The following USP9Y variants were observed in gnomAD, a reference collection of about 807,000 sequenced individuals.
The protein encoded by USP9Y is ubiquitin specific peptidase 9 Y-linked, also known as ubiquitin carboxyl-terminal hydrolase 9Y.
Under a neutral mutation model 53.1 loss-of-function variants are expected in USP9Y, and 41 were observed. The observed-to-expected ratio is 0.77, with a 90% CI of 0.60 to 1.00. The LOEUF is 1.00. Among genes scored for constraint, USP9Y ranks in the 50% least tolerant of loss-of-function variants. USP9Y has a pLI of 0.00. For synonymous variants in USP9Y, 220 were observed against 173.7 expected (o/e 1.27, Z -2.09); for missense variants, 567 against 535.8 (o/e 1.06, Z -0.58).
chrY:12,779,589 C>T lies in USP9Y; in HGVS notation c.3094C>T (p.Leu1032=). 2.5e-6 allele frequency: 1 copy of T among 395,815 alleles called. No individual in the cohort carries two copies. The highest frequency in any genetic ancestry group is 3.0e-5 in the South Asian group (1 of 33,716). ...GCAAGTTGCAGACTTAGGTAGCAAC[C>T]TGAATATGCCACCTCTTAGAGATGG... ...LWQVADLGSN[L]NMPPLRDGAR... is the part of the protein sequence containing the mutation. Residue 1032 remains leucine, a synonymous_variant, in exon 22 of 46, where the codon CTG becomes TTG. Coordinates refer to ENST00000338981, the MANE Select transcript of USP9Y (RefSeq NM_004654.4).
chrY:12,786,469 G>GT lies in USP9Y; in HGVS notation c.3283-44dup, dbSNP rs2053502086. 9 of 350,188 alleles carry GT rather than the reference G, an allele frequency of 2.6e-5. No homozygotes were observed. In the Admixed American group the frequency reaches 2.8e-4, roughly 11 times the overall value. 87.4% of individuals were successfully genotyped at this position (350,188 alleles called of 400,897 possible). On this transcript the variant is annotated intron_variant, in intron 23 of 45. Transcript: ENST00000338981. ...TCAGAGGAGAAATAGATGTTACTAA[G>GT]TTTTTTTTTAAATCCCTTTTAATAT...
chrY:12,822,492 G>C, intron 33 of USP9Y, among the ~76,000 whole-genome samples: 1 of 30,909 alleles, frequency 3.2e-5, no homozygotes, highest in African/African-American at 1.3e-4. Flanking sequence ...AGCCTCCCAA[G>C]TGGCTAAGAC....
At chrY:12,829,365 C>T (rs761564518) in intron 33 of USP9Y, among the ~76,000 whole-genome samples, 3 of 34,319 alleles carry the variant, frequency 8.7e-5, no homozygotes, top group Non-Finnish European at 2.2e-4. Flanking sequence ...GAAAAGACTT[C>T]GCATTTTTCC....
chrY:12,848,970 A>C, intron 42 of USP9Y, among the ~76,000 whole-genome samples: 1 of 33,533 alleles, frequency 3.0e-5, no homozygotes, highest in Non-Finnish European at 7.4e-5. Context: ...CTAACTTTGA[A>C]GTAGTTTTTT....
intron 26 of USP9Y, among the ~76,000 whole-genome samples, chrY:12,792,632 T>C: frequency 2.9e-5 from 1 of 34,296 alleles, no homozygotes; most frequent in Non-Finnish European, 7.3e-5. Flanking sequence ...TAAAAATTAT[T>C]AGCTACCTAG....
chrY:12,772,343 A>G, intron 16 of USP9Y, among the ~76,000 whole-genome samples: 1 of 33,052 alleles, frequency 3.0e-5, no homozygotes, highest in African/African-American at 1.2e-4. Flanking sequence ...TTAGTTTACA[A>G]ACTGCTGTGT....
At chrY:12,855,694 C>G in intron 42 of USP9Y, among the ~76,000 whole-genome samples, 1 of 32,991 alleles carries the variant, frequency 3.0e-5, no homozygotes, top group Non-Finnish European at 7.4e-5. Flanking sequence ...TATCAGAATT[C>G]AAGTTAATTT....
intron 42 of USP9Y, among the ~76,000 whole-genome samples, chrY:12,852,060 G>A (rs2053571565): frequency 3.0e-5 from 1 of 32,924 alleles, no homozygotes; most frequent in Non-Finnish European, 7.4e-5. Flanking sequence ...TTTGAATGTT[G>A]GCTGGACTTG....
chrY:12,784,698 C>T (rs2053500281), intron 22 of USP9Y, among the ~76,000 whole-genome samples: 1 of 33,256 alleles, frequency 3.0e-5, no homozygotes, highest in Non-Finnish European at 7.5e-5. Context: ...TCCATATACA[C>T]TTCCAGATTC....
intron 33 of USP9Y, among the ~76,000 whole-genome samples, chrY:12,828,627 G>A: frequency 3.0e-5 from 1 of 32,989 alleles, no homozygotes; most frequent in Non-Finnish European, 7.5e-5. Flanking sequence ...GGTGGATATC[G>A]TGTGATTGTA....
chrY:12,729,582 A>C (rs936115490), intron 7 of USP9Y, among the ~76,000 whole-genome samples: 3 of 32,483 alleles, frequency 9.2e-5, no homozygotes, highest in Non-Finnish European at 1.5e-4. Flanking sequence ...CTAGGATTAC[A>C]GGTGTGTGGC....
chrY:12,840,900 A>C, intron 36 of USP9Y, 110 bp from the exon 37 acceptor site: 2 of 225,131 alleles, frequency 8.9e-6, no homozygotes, highest in Non-Finnish European at 6.9e-6. Context: ...ATTAGTTTGA[A>C]ATATGGGTTA....
Position 12,857,650 on chromosome Y carries a change from C to A in USP9Y, c.7519C>A (p.Gln2507Lys). ...ATTATATCCTCATTCACCTGCCTCT[C>A]AGTATCAACAGGTAAAAAGGATTTT... ...APLYPHSPAS[Q>K]YQQNNHVHGQ... The change falls in exon 45 of 46, where the codon CAG (glutamine) becomes AAG (lysine). Residue 2507 changes from glutamine to lysine, a missense_variant. Gln to Lys is a moderately conservative substitution (Grantham distance 53). Coordinates refer to ENST00000338981, the MANE Select transcript of USP9Y (RefSeq NM_004654.4). 2.6e-6 allele frequency: 1 copy of A among 378,993 alleles called. No homozygotes were observed. 94.5% of individuals were successfully genotyped at this position (378,993 alleles called of 400,897 possible). A position where few individuals can be genotyped will look rare whatever the true frequency, so the allele number is the denominator to read the frequency against.
At chrY:12,773,027 G>A in intron 16 of USP9Y, among the ~76,000 whole-genome samples, 1 of 33,121 alleles carries the variant, frequency 3.0e-5, no homozygotes, top group Admixed American at 2.8e-4. Context: ...TTGTTTTATT[G>A]TAGTGAACTA....
At chrY:12,845,479 CAT>C (rs2053565590) in intron 39 of USP9Y, among the ~76,000 whole-genome samples, 2 of 32,830 alleles carry the variant, frequency 6.1e-5, no homozygotes, top group Non-Finnish European at 1.5e-4. Flanking sequence ...ATTTTAAAAA[CAT>C]ATGGGATACC....
At chrY:12,718,940 G>A in intron 3 of USP9Y, among the ~76,000 whole-genome samples, 1 of 33,783 alleles carries the variant, frequency 3.0e-5, no homozygotes. Flanking sequence ...TTGTCCATTT[G>A]CCTGTTGAAG....
At chrY:12,834,687 A>G (rs769641928) in intron 34 of USP9Y, among the ~76,000 whole-genome samples, 1 of 33,744 alleles carries the variant, frequency 3.0e-5, no homozygotes, top group South Asian at 6.6e-4. Context: ...GAAAAGGCTA[A>G]AAGCGGCTGC....
At chrY:12,854,037 G>A in intron 42 of USP9Y, among the ~76,000 whole-genome samples, 1 of 32,627 alleles carries the variant, frequency 3.1e-5, no homozygotes, top group African/African-American at 1.2e-4. Context: ...TTTTCTCCTC[G>A]TGAGAATTTT....
At chrY:12,732,285 T>C (rs2053447613) in intron 7 of USP9Y, among the ~76,000 whole-genome samples, 1 of 33,459 alleles carries the variant, frequency 3.0e-5, no homozygotes, top group African/African-American at 1.2e-4. Flanking sequence ...TCCTGCCTAT[T>C]GATGTCTTCT....
Sources: allele counts gnomAD v4.1 joint callset (sites outside exome capture counted in the v4.1 genomes callset), GRCh38; gene constraint gnomAD v4.1.1; transcripts MANE v1.5; gene names NCBI Gene and HGNC (gene_info 2026-07-23, HGNC 2026-07-21).